The following ZRANB1 variants were observed in gnomAD, a reference collection of about 807,000 sequenced individuals.
ZRANB1 encodes ubiquitin thioesterase ZRANB1.
Under a neutral mutation model 80.5 loss-of-function variants are expected in ZRANB1, and 16 were observed. The observed-to-expected ratio is 0.20, with a 90% CI of 0.13 to 0.30. ZRANB1 has a LOEUF of 0.30. ZRANB1 is among the 10% of genes least tolerant of loss of function. The probability of loss-of-function intolerance (pLI) is 1.00; values close to 1 mark genes in which losing one functional copy is unlikely to be tolerated. For synonymous variants in ZRANB1, 291 were observed against 293.1 expected (o/e 0.99, Z 0.07); for missense variants, 576 against 862.6 (o/e 0.67, Z 4.16).
At chr10:124,973,420 G>A (rs1951844578) in intron 3 of ZRANB1, among the ~76,000 whole-genome samples, 1 of 152,214 alleles carries the variant, frequency 6.6e-6, no homozygotes, top group African/African-American at 2.4e-5. Context: ...GCCTCCCAAA[G>A]TGCTGGAATT....
chr10:124,942,999 G>A lies in ZRANB1; in HGVS notation c.506G>A (p.Cys169Tyr). 1.9e-6 allele frequency: 3 copies of A among 1,614,218 alleles called. No homozygotes were observed. Among genetic ancestry groups the A allele is most frequent in the Non-Finnish European group, 2.5e-6 (3 of 1,180,032 alleles). The change falls in exon 1 of 9, where the codon TGT becomes TAT. Residue 169 changes from cysteine to tyrosine, a missense_variant. Cys to Tyr is a radical substitution (Grantham distance 194, BLOSUM62 -2). Coordinates refer to ENST00000359653, the MANE Select transcript of ZRANB1 (RefSeq NM_017580.3). Reference protein sequence around the residue: ...TYENWAKAKRCVVCDHPRPNN... With the variant: ...TYENWAKAKRYVVCDHPRPNN... ...GAAAACTGGGCCAAGGCTAAAAGAT[G>A]TGTTGTTTGTGATCATCCCAGACCT...
chr10:124,960,217 A>T (rs1349833128), intron 1 of ZRANB1, among the ~76,000 whole-genome samples: 1 of 152,096 alleles, frequency 6.6e-6, no homozygotes, highest in Non-Finnish European at 1.5e-5. Context: ...TTTCTTTTTC[A>T]GTGGCAAATT....
At chr10:124,932,388 C>G in the ZRANB1 span, among the ~76,000 whole-genome samples, 3 of 146,416 alleles carry the variant, frequency 2.0e-5, no homozygotes, top group African/African-American at 5.1e-5. Flanking sequence ...CTCCTGGGTT[C>G]AAGTGATTCT....
At chr10:124,966,451 TA>T (rs1261022986) in intron 1 of ZRANB1, 142 bp from the exon 2 acceptor site, 1 of 791,676 alleles carries the variant, frequency 1.3e-6, no homozygotes, top group East Asian at 2.7e-5. Flanking sequence ...TTATTTTCCT[TA>T]CTCTTATAGG....
intron 5 of ZRANB1, among the ~76,000 whole-genome samples, chr10:124,975,553 G>GT (rs1347073643): frequency 6.6e-6 from 1 of 152,134 alleles, no homozygotes. Flanking sequence ...AAAAATAATT[G>GT]TTTTTGTGAA....
chr10:124,922,295 TGTAAA>T, the ZRANB1 span, among the ~76,000 whole-genome samples: 63,412 of 113,568 alleles, frequency 0.56, 21,013 homozygotes, highest in Non-Finnish European at 0.73. Flanking sequence ...TATATATATA[TGTAAA>T]ATATATATAT....
At chr10:124,947,200 G>A (rs1039544645) in intron 1 of ZRANB1, among the ~76,000 whole-genome samples, 2 of 152,188 alleles carry the variant, frequency 1.3e-5, no homozygotes, top group Non-Finnish European at 2.9e-5. Flanking sequence ...GATATCAGTA[G>A]TAGAGCCTGA....
intron 1 of ZRANB1, among the ~76,000 whole-genome samples, chr10:124,963,554 G>GTTTTTTTT (rs760813299): frequency 1.7e-5 from 1 of 57,530 alleles, no homozygotes; most frequent in African/African-American, 6.2e-5. Flanking sequence ...TTTTTTGTTT[G>GTTTTTTTT]TTTTTTTTTT....
chr10:124,928,947 A>G, the ZRANB1 span, among the ~76,000 whole-genome samples: 2 of 152,278 alleles, frequency 1.3e-5, no homozygotes, highest in Non-Finnish European at 2.9e-5. Flanking sequence ...AGGGAGAATC[A>G]TCTTGACTTG....
intron 2 of ZRANB1, among the ~76,000 whole-genome samples, chr10:124,968,167 G>A (rs987745089): frequency 6.6e-6 from 1 of 152,190 alleles, no homozygotes; most frequent in African/African-American, 2.4e-5. Context: ...AAAGTGCTGG[G>A]ATTATAGGCA....
chr10:124,952,813 T>C (rs1483664733), intron 1 of ZRANB1, among the ~76,000 whole-genome samples: 9 of 152,234 alleles, frequency 5.9e-5, no homozygotes, highest in Admixed American at 3.9e-4. Flanking sequence ...TTTCACCATG[T>C]TGGCCAGGCT....
At position 124,987,380 on chromosome 10, in the gene ZRANB1, A is replaced by G. The variant is rs1952079727; in HGVS notation, c.*2388A>G. On this transcript the variant is annotated 3_prime_UTR_variant, in exon 9 of 9. Coordinates refer to ENST00000359653, the MANE Select transcript of ZRANB1 (RefSeq NM_017580.3). ...GTCAAATTTATATATATATATATAA[A>G]TTTTTGTTTGGGCGACCAAGATCTA... 1 of 151,830 alleles carries G rather than the reference A, an allele frequency of 6.6e-6. No homozygotes were observed. Among genetic ancestry groups the G allele is most frequent in the Non-Finnish European group, 1.5e-5 (1 of 67,968 alleles). 9.4% of individuals were successfully genotyped at this position (151,830 alleles called of 1,614,324 possible).
rs762266156 is a variant in ZRANB1 at position 124,942,872 on chromosome 10, T to C, written c.379T>C (p.Ser127Pro). 8 of 1,614,118 alleles carry C rather than the reference T, an allele frequency of 5.0e-6. No individual in the cohort carries two copies. Among genetic ancestry groups the C allele is most frequent in the Admixed American group, 3.3e-5 (2 of 60,000 alleles). ...TESPQSSGSGSRPVAFSVDPC... is the reference protein window; with the variant it reads ...TESPQSSGSGPRPVAFSVDPC... ...ATCTCCTCAGTCCTCAGGATCTGGCTCAAGACCAGTTGCTTTTTCTGTTGA... is the reference window on the plus strand; with the variant it reads ...ATCTCCTCAGTCCTCAGGATCTGGCCCAAGACCAGTTGCTTTTTCTGTTGA... Residue 127 changes from serine (S) to proline (P), a missense_variant, in exon 1 of 9, where the codon TCA becomes CCA. By Grantham distance (74) the Ser-to-Pro change is moderately conservative. Around this residue, in one of 3 missense-constraint regions of ZRANB1, gnomAD observed 411 missense variants for 583.1 expected, o/e 0.70. Coordinates refer to ENST00000359653, the MANE Select transcript of ZRANB1 (RefSeq NM_017580.3).
chr10:124,972,162 T>TCTCCTTTGAA (rs763625220), intron 3 of ZRANB1, 44 bp downstream of exon 3: 3 of 1,583,600 alleles, frequency 1.9e-6, no homozygotes, highest in Non-Finnish European at 8.6e-7. Flanking sequence ...TATTTTATTA[T>TCTCCTTTGAA]AGTTACATTT....
At chr10:124,921,273 C>T in the ZRANB1 span, among the ~76,000 whole-genome samples, 1 of 152,124 alleles carries the variant, frequency 6.6e-6, no homozygotes, top group African/African-American at 2.4e-5. Context: ...TAATCTGTAG[C>T]CTCAGTTTGT....
chr10:124,983,616 C>T lies in ZRANB1; in HGVS notation c.1836C>T (p.Val612=), dbSNP rs1378642008. ...AGANLNTDDD[V]TITFLPLVDS... is the part of the protein sequence containing the mutation. ...CTAATCTCAATACCGATGATGATGT[C>T]ACCATCACATTTTTGCCTCTGGTTG... is the stretch of plus-strand genomic sequence containing the variant. Residue 612 remains valine (V), a synonymous_variant, in exon 8 of 9, where the codon GTC becomes GTT. Coordinates refer to ENST00000359653, the MANE Select transcript of ZRANB1 (RefSeq NM_017580.3). This position sits in a 1 kb window ranked among gnomAD's most constrained non-coding sequence, Gnocchi z 6.2. 2 of 1,613,658 alleles carry T rather than the reference C, an allele frequency of 1.2e-6. No homozygotes were observed. The highest frequency in any genetic ancestry group is 2.7e-5 in the African/African-American group (2 of 74,888).
intron 2 of ZRANB1, among the ~76,000 whole-genome samples, chr10:124,971,126 T>C (rs1283132510): frequency 1.3e-5 from 2 of 152,186 alleles, no homozygotes; most frequent in Non-Finnish European, 2.9e-5. Context: ...TGCCTGGCCT[T>C]GAATTCTGTT....
chr10:124,955,085 C>T (rs548084933), intron 1 of ZRANB1, among the ~76,000 whole-genome samples: 3 of 150,110 alleles, frequency 2.0e-5, no homozygotes, highest in East Asian at 2.2e-4. Flanking sequence ...GCCGAGATTG[C>T]GCCACTGCAC....
At chr10:124,921,047 A>G in the ZRANB1 span, among the ~76,000 whole-genome samples, 1 of 152,182 alleles carries the variant, frequency 6.6e-6, no homozygotes, top group Non-Finnish European at 1.5e-5. Context: ...TTTGGTTGGT[A>G]TGTTTATATG....
Sources: gnomAD v4.1 joint callset for allele counts (sites outside exome capture counted in the v4.1 genomes callset) on GRCh38, gnomAD v4.1.1 for gene constraint, gnomAD v4.1.1 regional missense constraint, Gnocchi (gnomAD v3.1) non-coding constraint, MANE v1.5 for transcripts, NCBI Gene and HGNC (gene_info 2026-07-23, HGNC 2026-07-21) for gene names.